The following LIPK variants were observed in gnomAD, a reference collection of about 807,000 sequenced individuals.
LIPK encodes the protein lipase family member K, also known as lipase member K.
In LIPK, 32 loss-of-function variants were observed where a neutral mutation model predicts 48.6. That is an observed-to-expected ratio of 0.66 (90% CI 0.50 to 0.88). LIPK has a LOEUF of 0.88. LIPK is among the 40% of genes least tolerant of loss of function. The pLI, the probability that LIPK is intolerant of heterozygous loss-of-function variation, is 0.00. For synonymous variants in LIPK, 164 were observed against 157.4 expected (o/e 1.04, Z -0.32); for missense variants, 507 against 478.5 (o/e 1.06, Z -0.56).
intron 1 of LIPK, among the ~76,000 whole-genome samples, chr10:88,708,725 T>G (rs1192506770): frequency 6.6e-6 from 1 of 152,100 alleles, no homozygotes. Context: ...TTAATGAATT[T>G]AAAGTTTTAC....
chr10:88,744,127 G>T, intron 9 of LIPK, among the ~76,000 whole-genome samples: 1 of 152,048 alleles, frequency 6.6e-6, no homozygotes, highest in South Asian at 2.1e-4. Context: ...TGTAATCTGA[G>T]CACATCCCTG....
chr10:88,735,080 A>G (rs440103), intron 6 of LIPK, among the ~76,000 whole-genome samples: 33,086 of 152,140 alleles, frequency 0.22, 3,782 homozygotes, highest in East Asian at 0.37. Flanking sequence ...AGTATAAAGC[A>G]TAAAGACTTA....
Position 88,726,886 on chromosome 10 carries a change from A to G in LIPK, c.197A>G (p.His66Arg), listed in dbSNP as rs1369045727. The change falls in exon 3 of 10, where the codon CAT (histidine) becomes CGT (arginine). Residue 66 changes from histidine (H) to arginine (R), a missense_variant. Coordinates refer to ENST00000404190, the MANE Select transcript of LIPK (RefSeq NM_001080518.2). The stretch of plus-strand genomic sequence containing the variant: ...ATCCTTGGAATTTATAGGATTCCAC[A>G]TGGAAGAGGATGCCCAGGGAGGACA... ...GYILGIYRIP[H>R]GRGCPGRTAP... The G allele has an allele frequency of 5.0e-6, 8 of 1,593,558 alleles. No individual in the cohort carries two copies. The highest frequency in any genetic ancestry group is 2.7e-5 in the African/African-American group (2 of 74,594).
At chr10:88,730,665 T>A (rs893990556) in intron 3 of LIPK, among the ~76,000 whole-genome samples, 1 of 152,190 alleles carries the variant, frequency 6.6e-6, no homozygotes, top group Non-Finnish European at 1.5e-5. Context: ...TATTATTATT[T>A]CCCATTATAC....
intron 1 of LIPK, among the ~76,000 whole-genome samples, chr10:88,712,698 G>A (rs1842047394): frequency 6.6e-6 from 1 of 152,070 alleles, no homozygotes; most frequent in South Asian, 2.1e-4. Flanking sequence ...ATTTATCTGA[G>A]CTGATGTATC....
At chr10:88,728,778 T>C (rs387970) in intron 3 of LIPK, 149,361 of 196,320 alleles carry the variant, frequency 0.76, 58,350 homozygotes, top group East Asian at 1. Flanking sequence ...GGCCTGGACT[T>C]CTTCCAGTCC....
chr10:88,722,254 C>T (rs1246192899), intron 1 of LIPK, among the ~76,000 whole-genome samples: 1 of 152,078 alleles, frequency 6.6e-6, no homozygotes, highest in Non-Finnish European at 1.5e-5. Flanking sequence ...GGGGTCGCAC[C>T]ATTATACTCC....
At chr10:88,716,052 T>C (rs1842111066) in intron 1 of LIPK, among the ~76,000 whole-genome samples, 1 of 152,132 alleles carries the variant, frequency 6.6e-6, no homozygotes, top group Non-Finnish European at 1.5e-5. Flanking sequence ...AAATGGATAT[T>C]TAATATGATA....
chr10:88,715,035 T>C (rs1842091286), intron 1 of LIPK, among the ~76,000 whole-genome samples: 1 of 152,106 alleles, frequency 6.6e-6, no homozygotes, highest in Non-Finnish European at 1.5e-5. Context: ...GTATGTCAAA[T>C]TTTGATATGT....
intron 1 of LIPK, among the ~76,000 whole-genome samples, chr10:88,708,072 C>A (rs1009081204): frequency 6.6e-5 from 10 of 152,054 alleles, no homozygotes; most frequent in Admixed American, 1.3e-4. Flanking sequence ...AGTCTTCTGG[C>A]AAACCCAGTC....
At chr10:88,743,412 A>T (rs1430585083) in intron 9 of LIPK, 91 bp downstream of exon 9, 4 of 873,724 alleles carry the variant, frequency 4.6e-6, no homozygotes, top group Non-Finnish European at 7.4e-6. Context: ...CTTCCATTTA[A>T]CCACACTGGA....
chr10:88,748,103 T>C (rs1323656041), intron 9 of LIPK, among the ~76,000 whole-genome samples: 1 of 152,130 alleles, frequency 6.6e-6, no homozygotes, highest in African/African-American at 2.4e-5. Flanking sequence ...AATGAGATAA[T>C]GTACTTTGCA....
At chr10:88,725,298 C>T (rs1188496132) in intron 2 of LIPK, among the ~76,000 whole-genome samples, 1 of 152,160 alleles carries the variant, frequency 6.6e-6, no homozygotes, top group Non-Finnish European at 1.5e-5. Flanking sequence ...CCAGCAAGTA[C>T]CCTTGATCTC....
At chr10:88,710,454 C>T (rs1842007773) in intron 1 of LIPK, among the ~76,000 whole-genome samples, 1 of 152,148 alleles carries the variant, frequency 6.6e-6, no homozygotes, top group Non-Finnish European at 1.5e-5. Context: ...GTAAAATGCA[C>T]AGATCTGAAT....
intron 1 of LIPK, among the ~76,000 whole-genome samples, chr10:88,709,523 G>A (rs1210084077): frequency 4.0e-5 from 6 of 151,880 alleles, no homozygotes; most frequent in South Asian, 4.2e-4. Context: ...GAGAACATGC[G>A]GTGTTTGGAT....
Position 88,744,754 on chromosome 10 carries a change from C to T in LIPK, c.960+1433C>T, listed in dbSNP as rs117799303. Among the ~76,000 whole-genome samples the T allele has an allele frequency of 1.6e-4, 25 of 152,264 alleles. No individual in the cohort carries two copies. In the East Asian group the frequency reaches 4.6e-3, roughly 28 times the overall value. On this transcript the variant is annotated intron_variant, in intron 9 of 9. Coordinates refer to ENST00000404190, the MANE Select transcript of LIPK (RefSeq NM_001080518.2). ...ACCTCTAAATGACCACACTAACTCT[C>T]CAGCAATTGTTCTTAACCAGATTTA...
Position 88,732,441 on chromosome 10 carries a change from G to A in LIPK, c.559G>A (p.Glu187Lys). ...TTTTATAGCATTTTCTACAAACCCA[G>A]AACTGGCTAAAAAGATTAAGATATT... ...IAFIAFSTNP[E>K]LAKKIKIFFA... Residue 187 changes from glutamate to lysine, a missense_variant, in exon 6 of 10, where the codon GAA becomes AAA. Glu to Lys is a moderately conservative substitution (Grantham distance 56). Transcript: ENST00000404190. The A allele has an allele frequency of 6.2e-7, 1 of 1,613,202 alleles. No individual in the cohort carries two copies. The highest frequency in any genetic ancestry group is 2.2e-5 in the East Asian group (1 of 44,874).
At chr10:88,742,956 T>C (rs1483466013) in intron 8 of LIPK, among the ~76,000 whole-genome samples, 2 of 152,200 alleles carry the variant, frequency 1.3e-5, no homozygotes, top group Non-Finnish European at 2.9e-5. Flanking sequence ...ATTCCGCATC[T>C]TTAAAAAATA....
At chr10:88,735,417 C>A (rs561256349) in intron 6 of LIPK, among the ~76,000 whole-genome samples, 6 of 152,340 alleles carry the variant, frequency 3.9e-5, no homozygotes, top group South Asian at 2.1e-4. Flanking sequence ...AGAACCTAAG[C>A]AGCCTGTCCC....
Sources: gnomAD v4.1 joint callset for allele counts (sites outside exome capture counted in the v4.1 genomes callset) on GRCh38, gnomAD v4.1.1 for gene constraint, MANE v1.5 for transcripts, NCBI Gene and HGNC (gene_info 2026-07-23, HGNC 2026-07-21) for gene names.